Variants in SHISAL2A observed in about 807,000 individuals in gnomAD.
SHISAL2A encodes the protein protein shisa-like-2A.
In SHISAL2A, 18 loss-of-function variants were observed where a neutral mutation model predicts 11.5. That is an observed-to-expected ratio of 1.57 (90% confidence interval 1.08 to 2.33). SHISAL2A has a LOEUF of 2.33. Among genes scored for constraint, SHISAL2A ranks in the 30% most tolerant of loss-of-function variants. SHISAL2A has a pLI of 0.00. For synonymous variants in SHISAL2A, 94 were observed against 99.6 expected, an observed-to-expected ratio of 0.94 and a Z score of 0.34; for missense variants, 261 against 250.9, an observed-to-expected ratio of 1.04 and a Z score of -0.27.
Position 52,642,952 on chromosome 1 carries a change from G to A in SHISAL2A, c.272G>A (p.Ser91Asn), listed in dbSNP as rs754504319. 3 of 1,614,158 alleles carry A rather than the reference G, an allele frequency of 1.9e-6. No homozygotes were observed. Among genetic ancestry groups the A allele is most frequent in the Non-Finnish European group, 2.5e-6 (3 of 1,180,030 alleles). The part of the protein sequence containing the change: ...TACVLCYLFI[S>N]SKPHTKLDLG... ...TGTGTGCTCTGCTACCTGTTCATCA[G>A]CTCTAAGCCCCACACAAAGTTGGAC... Residue 91 changes from serine to asparagine, a missense_variant, in exon 2 of 3, where the codon AGC becomes AAC. Ser to Asn is a conservative substitution (Grantham distance 46). Coordinates refer to ENST00000517870, the MANE Select transcript of SHISAL2A (RefSeq NM_001042693.3).
downstream of SHISAL2A, among the ~76,000 whole-genome samples, chr1:52,662,046 T>A (rs541336823): frequency 0.02 from 2,927 of 149,766 alleles, 44 homozygotes; most frequent in Middle Eastern, 0.045. Flanking sequence ...AAAAAAAAAA[T>A]AATAATAATC....
At chr1:52,661,285 T>C (rs1691902781), downstream of SHISAL2A, among the ~76,000 whole-genome samples, 1 of 152,226 alleles carries the variant, frequency 6.6e-6, no homozygotes, top group Middle Eastern at 3.2e-3. Context: ...CTCTGTAACA[T>C]TGAAGTGAAA....
Position 52,633,405 on chromosome 1 carries a change from C to T in SHISAL2A, c.-89C>T. 9 of 1,188,712 alleles carry T rather than the reference C, an allele frequency of 7.6e-6. No individual in the cohort carries two copies. Among genetic ancestry groups the T allele is most frequent in the Non-Finnish European group, 1.0e-5 (9 of 895,736 alleles). The allele number at this position is 1,188,712 out of a possible 1,614,324, so 73.6% of individuals were successfully genotyped here. A position where few individuals can be genotyped will look rare whatever the true frequency, so the allele number is the denominator to read the frequency against. On this transcript the variant is annotated 5_prime_UTR_variant, in exon 1 of 3. Transcript: ENST00000517870. This position sits in a 1 kb window ranked among gnomAD's most constrained non-coding sequence, Gnocchi z 6.4. The stretch of plus-strand genomic sequence containing the variant: ...TCGTCTCTGCCGTTCTCAGGCTCAG[C>T]TCCGTCTCGCTCGGTCCCTCGCTTC...
intron 1 of SHISAL2A, among the ~76,000 whole-genome samples, chr1:52,636,640 G>A (rs971741258): frequency 4.6e-5 from 7 of 152,218 alleles, no homozygotes; most frequent in African/African-American, 7.2e-5. Flanking sequence ...TATCATAGCA[G>A]ACTGAGACTT....
At chr1:52,663,184 C>G (rs552476549) in intron 4 of SHISAL2A, among the ~76,000 whole-genome samples, 13 of 152,232 alleles carry the variant, frequency 8.5e-5, no homozygotes, top group Admixed American at 7.9e-4. Flanking sequence ...CAGATGTCCT[C>G]CCGGGCTGAT....
chr1:52,655,044 G>A (rs1571697683), intron 2 of SHISAL2A, among the ~76,000 whole-genome samples: 2 of 152,046 alleles, frequency 1.3e-5, no homozygotes, highest in East Asian at 3.9e-4. Context: ...GAATTAGCCA[G>A]GTCTTGTGGC....
chr1:52,653,653 A>T (rs1315719204), intron 2 of SHISAL2A, among the ~76,000 whole-genome samples: 3 of 152,256 alleles, frequency 2.0e-5, no homozygotes, highest in Admixed American at 1.3e-4. Context: ...CAAAATGCTG[A>T]TGAAGGAAAT....
At chr1:52,646,467 G>T (rs1479177670) in intron 2 of SHISAL2A, among the ~76,000 whole-genome samples, 3 of 148,912 alleles carry the variant, frequency 2.0e-5, no homozygotes, top group African/African-American at 7.5e-5. Flanking sequence ...GGGCTGCAAA[G>T]ATATTATATT....
chr1:52,645,939 A>G (rs1433862215), intron 2 of SHISAL2A, among the ~76,000 whole-genome samples: 1 of 152,224 alleles, frequency 6.6e-6, no homozygotes, highest in African/African-American at 2.4e-5. Flanking sequence ...TGGAAAACAA[A>G]GAAGAGGAGG....
chr1:52,641,661 C>G (rs186034295), intron 1 of SHISAL2A, among the ~76,000 whole-genome samples: 25 of 152,236 alleles, frequency 1.6e-4, no homozygotes, highest in Non-Finnish European at 3.4e-4. Context: ...TGAGGCTTGC[C>G]TGGGCACGGT....
chr1:52,663,279 G>C (rs1382868592), intron 4 of SHISAL2A, among the ~76,000 whole-genome samples: 1 of 152,100 alleles, frequency 6.6e-6, no homozygotes, highest in African/African-American at 2.4e-5. Flanking sequence ...TGAGGGATTT[G>C]CCCCAGACCC....
At chr1:52,661,991 CCACTG>C, downstream of SHISAL2A, among the ~76,000 whole-genome samples, 1 of 151,908 alleles carries the variant, frequency 6.6e-6, no homozygotes, top group South Asian at 2.1e-4. Flanking sequence ...TGAGATTGCG[CCACTG>C]CACTCCAGCC....
At chr1:52,654,875 C>T (rs1236335094) in intron 2 of SHISAL2A, among the ~76,000 whole-genome samples, 2 of 152,214 alleles carry the variant, frequency 1.3e-5, no homozygotes, top group African/African-American at 4.8e-5. Context: ...AATATATTCA[C>T]ATATTTGACA....
downstream of SHISAL2A, among the ~76,000 whole-genome samples, chr1:52,661,241 C>T (rs1019221670): frequency 1.6e-4 from 24 of 152,192 alleles, no homozygotes; most frequent in South Asian, 2.1e-4. Context: ...GAAAGGAACT[C>T]GACAACACCT....
At chr1:52,645,581 G>T (rs1279434849) in intron 2 of SHISAL2A, among the ~76,000 whole-genome samples, 5 of 148,852 alleles carry the variant, frequency 3.4e-5, no homozygotes, top group African/African-American at 1.2e-4. Context: ...CTAATTTTTT[G>T]TATTTTTAGT....
At position 52,633,928 on chromosome 1, in the gene SHISAL2A, C is replaced by T. The variant is rs146571736; in HGVS notation, c.182+253C>T. 4.8e-4 allele frequency among the ~76,000 whole-genome samples: 73 copies of T among 152,044 alleles called. No homozygotes were observed. The highest frequency in any genetic ancestry group is 9.3e-4 in the Non-Finnish European group (63 of 67,970). On this transcript the variant is annotated intron_variant, in intron 1 of 2. Coordinates refer to ENST00000517870, the MANE Select transcript of SHISAL2A (RefSeq NM_001042693.3). This position sits in a 1 kb window ranked among gnomAD's most constrained non-coding sequence, Gnocchi z 6.4. ...TAATCCAAAACAATCCTCACTCTAT[C>T]CCCACCCCAAACTTCATTCCATCAC...
At chr1:52,648,739 G>A (rs1206544082) in intron 2 of SHISAL2A, among the ~76,000 whole-genome samples, 3 of 152,112 alleles carry the variant, frequency 2.0e-5, no homozygotes, top group South Asian at 2.1e-4. Flanking sequence ...AATCAAACAC[G>A]TGTCTTTCTG....
In SHISAL2A at chr1:52,633,746, C is replaced by A; in HGVS notation, c.182+71C>A. On this transcript the variant is annotated intron_variant, in intron 1 of 2. Coordinates refer to ENST00000517870, the MANE Select transcript of SHISAL2A (RefSeq NM_001042693.3). This position sits in a 1 kb window ranked among gnomAD's most constrained non-coding sequence, Gnocchi z 6.4. ...CAGCGCCTTCACCCCAGCCTCAGCC[C>A]CCACCCGAGTGTCCACCTGAACATC... 1 of 1,323,438 alleles carries A rather than the reference C, an allele frequency of 7.6e-7. No homozygotes were observed. 82.0% of individuals were successfully genotyped at this position (1,323,438 alleles called of 1,614,324 possible). A position where few individuals can be genotyped will look rare whatever the true frequency, so the allele number is the denominator to read the frequency against.
At chr1:52,644,345 C>T (rs1691445659) in intron 2 of SHISAL2A, among the ~76,000 whole-genome samples, 1 of 152,214 alleles carries the variant, frequency 6.6e-6, no homozygotes, top group African/African-American at 2.4e-5. Context: ...TGAGTGAGCC[C>T]TCTGCAGTGA....
Sources: allele counts gnomAD v4.1 joint callset (sites outside exome capture counted in the v4.1 genomes callset), GRCh38; gene constraint gnomAD v4.1.1; non-coding constraint Gnocchi (gnomAD v3.1); transcripts MANE v1.5; gene names NCBI Gene and HGNC (gene_info 2026-07-23, HGNC 2026-07-21).